The following GLIS3 variants were observed in gnomAD, a reference collection of about 807,000 sequenced individuals.
The protein encoded by GLIS3 is zinc finger protein GLIS3.
A neutral mutation model predicts 78.6 loss-of-function variants in GLIS3; 53 were observed. The ratio of observed to expected loss-of-function variants is 0.67; its 90% CI spans 0.54 to 0.85. GLIS3 has a LOEUF of 0.85. Ranked by LOEUF, GLIS3 falls within the 40% of genes least tolerant of loss-of-function variation. The probability of loss-of-function intolerance (pLI) is 0.00; values close to 1 mark genes in which losing one functional copy is unlikely to be tolerated. For missense variants in GLIS3, 1,703 were observed against 1,231.1 expected, an observed-to-expected ratio of 1.38 and a Z score of -5.74; for synonymous variants, 684 against 509.9, an observed-to-expected ratio of 1.34 and a Z score of -4.60.
chr9:3,840,122 G>A (rs894262917), intron 9 of GLIS3, among the ~76,000 whole-genome samples: 1 of 152,162 alleles, frequency 6.6e-6, no homozygotes, highest in African/African-American at 2.4e-5. Flanking sequence ...ATGTATAACA[G>A]TGTTTATAAA....
chr9:4,011,266 G>A (rs1197837555), intron 4 of GLIS3, among the ~76,000 whole-genome samples: 3 of 152,146 alleles, frequency 2.0e-5, no homozygotes, highest in South Asian at 2.1e-4. Context: ...CTGGAGAATC[G>A]GGTTTGTAAG....
At chr9:4,453,807 T>C in the GLIS3 span, among the ~76,000 whole-genome samples, 2 of 151,918 alleles carry the variant, frequency 1.3e-5, no homozygotes, top group East Asian at 1.9e-4. Flanking sequence ...ATGAGAACAC[T>C]TGGACACAGG....
chr9:4,375,582 G>T, the GLIS3 span, among the ~76,000 whole-genome samples: 3 of 152,166 alleles, frequency 2.0e-5, no homozygotes, highest in African/African-American at 7.2e-5. Flanking sequence ...ACAGACACAT[G>T]GCTTTATAAT....
chr9:4,325,438 G>C (rs1817585169), intron 2 of GLIS3, among the ~76,000 whole-genome samples: 1 of 152,192 alleles, frequency 6.6e-6, no homozygotes, highest in Non-Finnish European at 1.5e-5. Flanking sequence ...CTTTAAATCA[G>C]CATTTGTGAC....
At chr9:4,352,269 A>C (rs748875918), upstream of GLIS3, among the ~76,000 whole-genome samples, 1 of 152,230 alleles carries the variant, frequency 6.6e-6, no homozygotes, top group African/African-American at 2.4e-5. Context: ...ATTTTCTCAA[A>C]GTCATGCAGG....
intron 4 of GLIS3, among the ~76,000 whole-genome samples, chr9:4,061,078 T>G: frequency 6.6e-6 from 1 of 151,992 alleles, no homozygotes; most frequent in South Asian, 2.1e-4. Flanking sequence ...TTTTTTTTAC[T>G]ATTACACTTT....
At chr9:3,898,271 T>C (rs7045410) in intron 7 of GLIS3, 1 of 263,656 alleles carries the variant, frequency 3.8e-6, no homozygotes, top group Non-Finnish European at 7.5e-6. Flanking sequence ...GGTTTGCTGA[T>C]GTGAAAATTT....
At chr9:3,900,951 G>A (rs1286835569) in intron 6 of GLIS3, 1 of 152,172 alleles carries the variant, frequency 6.6e-6, no homozygotes, top group African/African-American at 2.4e-5. Context: ...AGAAGAAACA[G>A]CTAGCTCCTG....
chr9:3,855,575 G>T, intron 9 of GLIS3: 1 of 244,868 alleles, frequency 4.1e-6, no homozygotes, highest in Non-Finnish European at 8.0e-6. Flanking sequence ...ATCAGGAAGG[G>T]CTTCAGAGAG....
exon 2 of GLIS3, chr9:4,347,117 T>A (rs189563202): frequency 6.6e-6 from 1 of 152,598 alleles, no homozygotes; most frequent in African/African-American, 2.4e-5. Flanking sequence ...GGTGCTGTCA[T>A]CTGCTTGGCT....
At chr9:4,365,992 G>C in the GLIS3 span, among the ~76,000 whole-genome samples, 13 of 152,176 alleles carry the variant, frequency 8.5e-5, no homozygotes, top group South Asian at 4.1e-4. Context: ...AGGTGTCATT[G>C]AAAAGTGTAG....
At chr9:4,398,976 C>T in the GLIS3 span, among the ~76,000 whole-genome samples, 16 of 152,304 alleles carry the variant, frequency 1.1e-4, no homozygotes, top group Non-Finnish European at 1.9e-4. Flanking sequence ...CGTGAGCCAC[C>T]GTACCCAGCC....
chr9:4,222,235 C>T lies in GLIS3; in HGVS notation c.388+63803G>A, dbSNP rs150002265. 9.5e-4 allele frequency among the ~76,000 whole-genome samples: 145 copies of T among 152,294 alleles called. 1 individual carries two copies. Among genetic ancestry groups the T allele is most frequent in the Non-Finnish European group, 1.9e-3 (128 of 68,024 alleles). The stretch of plus-strand genomic sequence containing the variant: ...TGTACCACAGCTTCTTCACTAAACA[C>T]GGTAGCAAAGTACACCTTCCTCTTT... On this transcript the variant is annotated intron_variant, in intron 2 of 10. Coordinates refer to ENST00000381971, the MANE Select transcript of GLIS3 (RefSeq NM_001042413.2).
intron 1 of GLIS3, among the ~76,000 whole-genome samples, chr9:4,288,692 T>C (rs1828202763): frequency 6.6e-6 from 1 of 151,486 alleles, no homozygotes; most frequent in South Asian, 2.1e-4. Flanking sequence ...TTTTATTTTA[T>C]TTTTTTTATA....
intron 4 of GLIS3, among the ~76,000 whole-genome samples, chr9:4,081,538 C>A (rs1338644853): frequency 1.3e-5 from 2 of 152,204 alleles, no homozygotes; most frequent in African/African-American, 4.8e-5. Context: ...CCCCACGATA[C>A]TGGAACCTAA....
At chr9:4,405,519 G>A in the GLIS3 span, among the ~76,000 whole-genome samples, 176 of 152,124 alleles carry the variant, frequency 1.2e-3, no homozygotes, top group Middle Eastern at 3.4e-3. Context: ...TATTAAGATT[G>A]AATCAGGAAG....
intron 8 of GLIS3, among the ~76,000 whole-genome samples, chr9:3,871,898 T>C (rs10973942): frequency 0.039 from 5,994 of 152,344 alleles, 170 homozygotes; most frequent in Middle Eastern, 0.075. Flanking sequence ...TTTTCTCTTC[T>C]AATGCATTGC....
At chr9:4,067,380 G>T (rs894859107) in intron 4 of GLIS3, among the ~76,000 whole-genome samples, 1 of 151,818 alleles carries the variant, frequency 6.6e-6, no homozygotes, top group African/African-American at 2.4e-5. Context: ...CTCCTGATTG[G>T]AACCTGACTG....
chr9:4,089,374 G>C (rs1361294143), intron 4 of GLIS3, among the ~76,000 whole-genome samples: 1 of 151,914 alleles, frequency 6.6e-6, no homozygotes. Context: ...AACGTTTTAA[G>C]AGAAAATGTA....
Sources: gnomAD v4.1 joint callset for allele counts (sites outside exome capture counted in the v4.1 genomes callset) on GRCh38, gnomAD v4.1.1 for gene constraint, MANE v1.5 for transcripts, NCBI Gene and HGNC (gene_info 2026-07-23, HGNC 2026-07-21) for gene names.